HS6ST2: variants seen among roughly 807,000 people sequenced by gnomAD.
HS6ST2 encodes heparan-sulfate 6-O-sulfotransferase 2.
In HS6ST2, 17 loss-of-function variants were observed where a neutral mutation model predicts 33.0. That is an observed-to-expected ratio of 0.52 (90% CI 0.35 to 0.77). The LOEUF is 0.77. Among genes scored for constraint, HS6ST2 ranks in the 30% least tolerant of loss-of-function variants. HS6ST2 has a pLI of 0.01. For missense variants in HS6ST2, 519 were observed against 551.7 expected, an observed-to-expected ratio of 0.94 and a Z score of 0.59; for synonymous variants, 248 against 237.1, an observed-to-expected ratio of 1.05 and a Z score of -0.42.
At chrX:132,896,369 G>A (rs1040765554) in intron 2 of HS6ST2, among the ~76,000 whole-genome samples, 2 of 109,381 alleles carry the variant, frequency 1.8e-5, no homozygotes, top group Admixed American at 2.0e-4. Flanking sequence ...TACTCGGGAG[G>A]CTGAGGTGGG....
At chrX:132,868,325 A>T (rs1266786504) in intron 2 of HS6ST2, among the ~76,000 whole-genome samples, 1 of 112,054 alleles carries the variant, frequency 8.9e-6, no homozygotes, top group Non-Finnish European at 1.9e-5. Flanking sequence ...ACTCCAACAC[A>T]ATAATAGTGG....
intron 2 of HS6ST2, among the ~76,000 whole-genome samples, chrX:132,939,102 T>G (rs1372891919): frequency 9.0e-6 from 1 of 110,766 alleles, no homozygotes; most frequent in Middle Eastern, 4.2e-3. Flanking sequence ...TGTGACCTCA[T>G]TATCACAGGG....
At chrX:132,846,970 T>A (rs186729897) in intron 2 of HS6ST2, among the ~76,000 whole-genome samples, 1 of 111,209 alleles carries the variant, frequency 9.0e-6, no homozygotes, top group African/African-American at 3.3e-5. Flanking sequence ...TGCTTTTGGT[T>A]AAGAGGAGAG....
chrX:132,762,444 TAGAC>T (rs759527641), intron 2 of HS6ST2, among the ~76,000 whole-genome samples: 1 of 112,550 alleles, frequency 8.9e-6, no homozygotes, highest in African/African-American at 3.2e-5. Context: ...AATTACTTAA[TAGAC>T]AGATTTTATT....
intron 2 of HS6ST2, among the ~76,000 whole-genome samples, chrX:132,713,482 G>A (rs1225588105): frequency 9.0e-6 from 1 of 110,751 alleles, no homozygotes; most frequent in Non-Finnish European, 1.9e-5. Context: ...TCAAAGACAC[G>A]TGCAGTTAAA....
chrX:132,902,427 C>G (rs934588696), intron 2 of HS6ST2, among the ~76,000 whole-genome samples: 1 of 112,447 alleles, frequency 8.9e-6, no homozygotes, highest in African/African-American at 3.2e-5. Context: ...AATGACAGCA[C>G]TGAGACTGTG....
At chrX:132,909,005 A>C (rs1401983143) in intron 2 of HS6ST2, among the ~76,000 whole-genome samples, 4 of 106,879 alleles carry the variant, frequency 3.7e-5, no homozygotes, top group African/African-American at 1.4e-4. Flanking sequence ...AAAAAAAAAA[A>C]AAAAAAAAAC....
chrX:132,883,817 C>T (rs1485034777), intron 2 of HS6ST2, among the ~76,000 whole-genome samples: 1 of 111,540 alleles, frequency 9.0e-6, no homozygotes, highest in Non-Finnish European at 1.9e-5. Flanking sequence ...GCATCTGCCA[C>T]CAAAGGCTCT....
chrX:132,899,522 G>A (rs1051291647), intron 2 of HS6ST2, among the ~76,000 whole-genome samples: 1 of 110,685 alleles, frequency 9.0e-6, no homozygotes, highest in African/African-American at 3.3e-5. Context: ...GGGATTTCTA[G>A]TACAATAGAC....
intron 4 of HS6ST2, among the ~76,000 whole-genome samples, chrX:132,641,725 C>T (rs1195397305): frequency 8.8e-6 from 1 of 113,034 alleles, no homozygotes; most frequent in African/African-American, 3.2e-5. Context: ...TGTGTCTGAG[C>T]CTCCAATGTG....
intron 2 of HS6ST2, among the ~76,000 whole-genome samples, chrX:132,838,961 A>G (rs1433502412): frequency 1.5e-4 from 14 of 95,931 alleles, no homozygotes; most frequent in African/African-American, 5.8e-4. Flanking sequence ...ATTATTAAAA[A>G]GTCGGAAAAA....
chrX:132,685,650 C>A (rs989193397), intron 3 of HS6ST2, among the ~76,000 whole-genome samples: 3 of 111,716 alleles, frequency 2.7e-5, no homozygotes, highest in Non-Finnish European at 5.6e-5. Flanking sequence ...TGAGAAATAT[C>A]ACTCATGACT....
intron 2 of HS6ST2, among the ~76,000 whole-genome samples, chrX:132,817,060 C>T (rs774976033): frequency 6.4e-4 from 72 of 111,696 alleles, no homozygotes; most frequent in Non-Finnish European, 8.3e-4. Context: ...CTTGCCAATT[C>T]ACCATACACT....
intron 2 of HS6ST2, among the ~76,000 whole-genome samples, chrX:132,787,073 C>T (rs1008516328): frequency 3.0e-5 from 3 of 101,227 alleles, no homozygotes; most frequent in African/African-American, 1.1e-4. Flanking sequence ...TCAAAGGTCC[C>T]TAATATATGC....
chrX:132,861,240 A>G (rs1054530126), intron 2 of HS6ST2, among the ~76,000 whole-genome samples: 4 of 112,431 alleles, frequency 3.6e-5, no homozygotes, highest in African/African-American at 9.7e-5. Context: ...TCTACAGAGT[A>G]TATGTGTCAT....
intron 2 of HS6ST2, among the ~76,000 whole-genome samples, chrX:132,880,334 G>A (rs1288643233): frequency 9.1e-6 from 1 of 110,159 alleles, no homozygotes; most frequent in Non-Finnish European, 1.9e-5. Context: ...TCAGGAGTTC[G>A]AGACCAGCCT....
At chrX:132,853,298 C>T (rs866621100) in intron 2 of HS6ST2, among the ~76,000 whole-genome samples, 1 of 104,244 alleles carries the variant, frequency 9.6e-6, no homozygotes, top group Non-Finnish European at 2.0e-5. Context: ...GGACTACAGG[C>T]GTGTGCTAGG....
intron 2 of HS6ST2, among the ~76,000 whole-genome samples, chrX:132,824,120 C>T (rs959651113): frequency 9.0e-6 from 1 of 111,011 alleles, no homozygotes; most frequent in African/African-American, 3.3e-5. Context: ...TGATGCAATA[C>T]AGAAACAATC....
At chrX:132,954,913 G>A (rs1035811730) in intron 2 of HS6ST2, among the ~76,000 whole-genome samples, 5 of 111,817 alleles carry the variant, frequency 4.5e-5, no homozygotes, top group Non-Finnish European at 9.4e-5. Context: ...GAGGACAGTA[G>A]CCACCAAACA....
Sources: allele counts gnomAD v4.1 joint callset (sites outside exome capture counted in the v4.1 genomes callset), GRCh38; gene constraint gnomAD v4.1.1; transcripts MANE v1.5; gene names NCBI Gene and HGNC (gene_info 2026-07-23, HGNC 2026-07-21).